The following SMCHD1 variants were observed in gnomAD, a reference collection of about 807,000 sequenced individuals.
SMCHD1 encodes structural maintenance of chromosomes flexible hinge domain containing 1.
Under a neutral mutation model 254.7 loss-of-function variants are expected in SMCHD1, and 78 were observed. The ratio of observed to expected loss-of-function variants is 0.31; its 90% confidence interval spans 0.26 to 0.37. The LOEUF is 0.37. SMCHD1 is among the 10% of genes least tolerant of loss of function. The pLI, the probability that SMCHD1 is intolerant of heterozygous loss-of-function variation, is 1.00. For missense variants in SMCHD1, 1,840 were observed against 2,408.1 expected, an observed-to-expected ratio of 0.76 and a Z score of 4.94; for synonymous variants, 766 against 794.9, an observed-to-expected ratio of 0.96 and a Z score of 0.61.
intron 5 of SMCHD1, among the ~76,000 whole-genome samples, chr18:2,679,480 CAAA>C (rs59034633): frequency 0.049 from 2,900 of 58,760 alleles, 107 homozygotes; most frequent in Middle Eastern, 0.25. Context: ...ACTCCATCTC[CAAA>C]AAAAAAAAAA....
intron 1 of SMCHD1, among the ~76,000 whole-genome samples, chr18:2,661,785 G>A (rs1277654263): frequency 1.3e-5 from 2 of 152,182 alleles, no homozygotes; most frequent in African/African-American, 4.8e-5. Context: ...AATAGGGGGA[G>A]TCTTCTATGT....
At chr18:2,742,057 T>C (rs2075360680) in intron 28 of SMCHD1, among the ~76,000 whole-genome samples, 1 of 152,210 alleles carries the variant, frequency 6.6e-6, no homozygotes, top group African/African-American at 2.4e-5. Flanking sequence ...TCTGCTCTGT[T>C]CTACCTGACC....
In SMCHD1 at chr18:2,738,310, A is replaced by G. The variant is rs145482173; in HGVS notation, c.3277-87A>G. ...TTCTTGGGGGTGAAGAAGACGGATTATAATGTAGTTTTAAGAGTAAGATAA... is the reference window on the plus strand; with the variant it reads ...TTCTTGGGGGTGAAGAAGACGGATTGTAATGTAGTTTTAAGAGTAAGATAA... On this transcript the variant is annotated intron_variant, in intron 25 of 47. Transcript: ENST00000320876. 4.4e-4 allele frequency: 539 copies of G among 1,223,724 alleles called. 3 individuals carry two copies. The African/African-American group carries it at 7.5e-3, about 17-fold the overall frequency. 75.8% of individuals were successfully genotyped at this position (1,223,724 alleles called of 1,614,324 possible).
At chr18:2,675,847 C>G (rs146969046) in intron 5 of SMCHD1, among the ~76,000 whole-genome samples, 11 of 152,112 alleles carry the variant, frequency 7.2e-5, no homozygotes, top group Non-Finnish European at 1.6e-4. Flanking sequence ...GTTCTTAGAA[C>G]AAAACAAACT....
chr18:2,775,076 T>G (rs1335040482), intron 41 of SMCHD1, among the ~76,000 whole-genome samples: 1 of 125,770 alleles, frequency 8.0e-6, no homozygotes, highest in Non-Finnish European at 1.6e-5. Context: ...CAATTTTTTT[T>G]TTTTTTTTTT....
chr18:2,775,107 G>A (rs1736964149), intron 41 of SMCHD1, among the ~76,000 whole-genome samples: 1 of 118,618 alleles, frequency 8.4e-6, no homozygotes. Flanking sequence ...TTTGGAGACA[G>A]GGTCTTGCTC....
intron 27 of SMCHD1, among the ~76,000 whole-genome samples, chr18:2,740,319 T>G (rs573998974): frequency 6.6e-6 from 1 of 152,298 alleles, no homozygotes; most frequent in African/African-American, 2.4e-5. Flanking sequence ...ACATTTTCTT[T>G]ATCTACTCTA....
In SMCHD1 at chr18:2,656,272, G is replaced by A. The variant is rs1323883035; in HGVS notation, c.186+11G>A. The A allele has an allele frequency of 6.8e-7, 1 of 1,476,120 alleles. No individual in the cohort carries two copies. The highest frequency in any genetic ancestry group is 1.4e-5 in the South Asian group (1 of 71,894). 91.4% of individuals were successfully genotyped at this position (1,476,120 alleles called of 1,614,324 possible). A position where few individuals can be genotyped will look rare whatever the true frequency, so the allele number is the denominator to read the frequency against. On this transcript the variant is annotated intron_variant, in intron 1 of 47. Transcript: ENST00000320876. Reference sequence around the variant, plus strand: ...GCGTGTGTGTGTCAGGTACGCGAAGGGGCGAGGAAGGGATGCGCGTGTAGA... The same window carrying A: ...GCGTGTGTGTGTCAGGTACGCGAAGAGGCGAGGAAGGGATGCGCGTGTAGA...
Position 2,777,912 on chromosome 18 carries a change from A to G in SMCHD1, c.5473A>G (p.Thr1825Ala). Residue 1825 changes from threonine (T) to alanine (A), a missense_variant, in exon 43 of 48, where the codon ACA (threonine) becomes GCA (alanine). Coordinates refer to ENST00000320876, the MANE Select transcript of SMCHD1 (RefSeq NM_015295.3). ...TFPDNVEHCETVFGMLLGDTI... is the reference protein window; with the variant it reads ...TFPDNVEHCEAVFGMLLGDTI... The stretch of plus-strand genomic sequence containing the variant: ...TCCAGATAATGTAGAACATTGTGAA[A>G]CAGGTAAAAGACATTATGGTGACTT... The G allele has an allele frequency of 3.3e-6, 5 of 1,528,490 alleles. No homozygotes were observed. The highest frequency in any genetic ancestry group is 4.4e-6 in the Non-Finnish European group (5 of 1,130,494). The allele number at this position is 1,528,490 out of a possible 1,614,324, so 94.7% of individuals were successfully genotyped here. A position where few individuals can be genotyped will look rare whatever the true frequency, so the allele number is the denominator to read the frequency against.
At chr18:2,685,105 T>TTA (rs1466824087) in intron 5 of SMCHD1, among the ~76,000 whole-genome samples, 11 of 133,730 alleles carry the variant, frequency 8.2e-5, no homozygotes, top group Non-Finnish European at 1.8e-4. Flanking sequence ...TTTTTTTCTT[T>TTA]TTTTTTTTTT....
chr18:2,697,890 C>G lies in SMCHD1; in HGVS notation c.1191C>G (p.Asp397Glu). The change falls in exon 10 of 48, where the codon GAC (aspartate) becomes GAG (glutamate). Residue 397 changes from aspartate (D) to glutamate (E), a missense_variant. Transcript: ENST00000320876. ...PKIVNLREIQ[D>E]DMQTLYVNTA... ...TTGTCAACCTAAGGGAAATACAAGA[C>G]GACATGCAGACGTTGTATGTAAACA... 1 of 1,613,462 alleles carries G rather than the reference C, an allele frequency of 6.2e-7. No homozygotes were observed. The highest frequency in any genetic ancestry group is 8.5e-7 in the Non-Finnish European group (1 of 1,179,606).
At position 2,790,517 on chromosome 18, in the gene SMCHD1, T is replaced by A. The variant is rs2076302830; in HGVS notation, c.5720-5432T>A. Among the ~76,000 whole-genome samples, 4 of 152,292 alleles carry A rather than the reference T, an allele frequency of 2.6e-5. No individual in the cohort carries two copies. The South Asian group carries it at 8.3e-4, about 32-fold the overall frequency. On this transcript the variant is annotated intron_variant, in intron 45 of 47. Transcript: ENST00000320876. ...GCTCAGGCCTGTAATCCCAGCACTC[T>A]GGGAGGCCAAGGTGGGTGGATCACC...
chr18:2,792,451 G>A (rs562372759), intron 45 of SMCHD1, among the ~76,000 whole-genome samples: 1 of 152,302 alleles, frequency 6.6e-6, no homozygotes, highest in East Asian at 1.9e-4. Context: ...ATAACCTAAT[G>A]AAACATTGCT....
chr18:2,771,986 C>T (rs1237214674), intron 40 of SMCHD1, among the ~76,000 whole-genome samples: 17 of 152,098 alleles, frequency 1.1e-4, no homozygotes, highest in South Asian at 8.3e-4. Flanking sequence ...CAAGAGAAGT[C>T]CTATTATAGG....
intron 45 of SMCHD1, among the ~76,000 whole-genome samples, chr18:2,793,389 C>T (rs1034577204): frequency 2.0e-5 from 3 of 152,042 alleles, no homozygotes; most frequent in Non-Finnish European, 4.4e-5. Flanking sequence ...TGAGGCCAGG[C>T]GCAGTGGCTC....
At position 2,743,837 on chromosome 18, in the gene SMCHD1, C is replaced by T. The variant is rs761222520; in HGVS notation, c.3710C>T (p.Thr1237Ile). ...CCTGGAAATAAGGATCTTTGTTTTACTTGGCGTGAGTTTTCTGACTTTATT... is the reference window on the plus strand; with the variant it reads ...CCTGGAAATAAGGATCTTTGTTTTATTTGGCGTGAGTTTTCTGACTTTATT... ...GPPGNKDLCF[T>I]WREFSDFIRV... The change falls in exon 29 of 48, where the codon ACT becomes ATT. Residue 1237 changes from threonine to isoleucine, a missense_variant. Physicochemically the swap from Thr to Ile is moderately conservative, Grantham distance 89. Coordinates refer to ENST00000320876, the MANE Select transcript of SMCHD1 (RefSeq NM_015295.3). 14 of 1,613,074 alleles carry T rather than the reference C, an allele frequency of 8.7e-6. No individual in the cohort carries two copies. Among genetic ancestry groups the T allele is most frequent in the East Asian group, 6.7e-5 (3 of 44,774 alleles).
intron 5 of SMCHD1, among the ~76,000 whole-genome samples, chr18:2,683,224 C>T (rs943240452): frequency 6.6e-6 from 1 of 151,510 alleles, no homozygotes; most frequent in Non-Finnish European, 1.5e-5. Flanking sequence ...ACTTAGAACT[C>T]ATTTACTTTT....
chr18:2,709,223 T>C lies in SMCHD1; in HGVS notation c.2260+1303T>C, dbSNP rs1443579979. Among the ~76,000 whole-genome samples, 7 of 95,162 alleles carry C rather than the reference T, an allele frequency of 7.4e-5. No individual in the cohort carries two copies. The South Asian group carries it at 2.2e-3, about 31-fold the overall frequency. 62.4% of individuals were successfully genotyped at this position (95,162 alleles called of 152,430 possible). On this transcript the variant is annotated intron_variant, in intron 17 of 47. Transcript: ENST00000320876. ...ATATTCCCTTGTGTGTGTATATATGTGTATATGTGTATATATATATATATA... is the reference window on the plus strand; with the variant it reads ...ATATTCCCTTGTGTGTGTATATATGCGTATATGTGTATATATATATATATA...
At chr18:2,729,753 G>T (rs2075101020) in intron 24 of SMCHD1, among the ~76,000 whole-genome samples, 1 of 148,942 alleles carries the variant, frequency 6.7e-6, no homozygotes, top group Non-Finnish European at 1.5e-5. Context: ...CTGTTGTCTA[G>T]GCTGGAGTGC....
Sources: allele counts gnomAD v4.1 joint callset (sites outside exome capture counted in the v4.1 genomes callset), GRCh38; gene constraint gnomAD v4.1.1; transcripts MANE v1.5; gene names NCBI Gene and HGNC (gene_info 2026-07-23, HGNC 2026-07-21).